CLPB: variants seen among roughly 807,000 people sequenced by gnomAD.
CLPB encodes ClpB family mitochondrial disaggregase.
In CLPB, 40 loss-of-function variants were observed where a neutral mutation model predicts 78.4. The observed-to-expected ratio is 0.51, with a 90% CI of 0.40 to 0.66. The LOEUF is 0.66. Ranked by LOEUF, CLPB falls within the 30% of genes least tolerant of loss-of-function variation. CLPB has a pLI of 0.00. For missense variants in CLPB, 780 were observed against 886.9 expected (o/e 0.88, Z 1.53); for synonymous variants, 333 against 348.0 (o/e 0.96, Z 0.48).
At chr11:72,384,727 A>C (rs1407887131) in intron 3 of CLPB, among the ~76,000 whole-genome samples, 2 of 152,262 alleles carry the variant, frequency 1.3e-5, no homozygotes, top group African/African-American at 4.8e-5. Context: ...ATGGGAACCA[A>C]AAGAGAGCAG....
At chr11:72,301,770 C>G (rs774584345) in intron 11 of CLPB, 33 bp downstream of exon 11, 2 of 1,601,868 alleles carry the variant, frequency 1.2e-6, no homozygotes, top group East Asian at 4.5e-5. Flanking sequence ...CTCCAGGTGT[C>G]CCCCCGCTCC....
chr11:72,370,684 G>C (rs1951025681), intron 4 of CLPB, among the ~76,000 whole-genome samples: 1 of 152,190 alleles, frequency 6.6e-6, no homozygotes, highest in African/African-American at 2.4e-5. Context: ...AGGCAGTTCT[G>C]CTGGCATTTG....
intron 9 of CLPB, among the ~76,000 whole-genome samples, chr11:72,306,950 C>T (rs552192575): frequency 6.6e-6 from 1 of 152,164 alleles, no homozygotes; most frequent in Non-Finnish European, 1.5e-5. Flanking sequence ...CCTCAAGAGT[C>T]AGGCAGGGCA....
chr11:72,321,002 C>T (rs1269544416), intron 6 of CLPB, among the ~76,000 whole-genome samples: 4 of 152,126 alleles, frequency 2.6e-5, no homozygotes, highest in African/African-American at 7.2e-5. Context: ...CGTGAGCCAC[C>T]GCTCCCGGCA....
At position 72,302,202 on chromosome 11, in the gene CLPB, C is replaced by A. The variant is rs116987422; in HGVS notation, c.1167+102G>T. On this transcript the variant is annotated intron_variant, in intron 10 of 15. Transcript: ENST00000538039. The stretch of plus-strand genomic sequence containing the variant: ...ACACCTGTGCTCCCAACGACAAATC[C>A]CAAGGCTGCTGGAATTATCTGAGGC... 9.1e-3 allele frequency: 11,806 copies of A among 1,295,148 alleles called. 90 individuals are homozygous for A. The highest frequency in any genetic ancestry group is 9.8e-3 in the Non-Finnish European group (8,815 of 896,924). The allele number at this position is 1,295,148 out of a possible 1,614,324, so 80.2% of individuals were successfully genotyped here.
chr11:72,304,988 C>G (rs936578287), intron 9 of CLPB, among the ~76,000 whole-genome samples: 1 of 152,160 alleles, frequency 6.6e-6, no homozygotes. Flanking sequence ...AAAGTGTCTA[C>G]GCAAAACACA....
Position 72,301,688 on chromosome 11 carries a change from G to A in CLPB, c.1329+115C>T, listed in dbSNP as rs552492461. 5.6e-5 allele frequency: 64 copies of A among 1,145,762 alleles called. No homozygotes were observed. In the East Asian group the frequency reaches 6.4e-4, roughly 11 times the overall value. 71.0% of individuals were successfully genotyped at this position (1,145,762 alleles called of 1,614,324 possible). A position where few individuals can be genotyped will look rare whatever the true frequency, so the allele number is the denominator to read the frequency against. On this transcript the variant is annotated intron_variant, in intron 11 of 15. Transcript: ENST00000538039. ...ACTGGATGAATGAATGTACACATGCGGGAGCAGGAAGCCGAGGAATGACCA... is the reference window on the plus strand; with the variant it reads ...ACTGGATGAATGAATGTACACATGCAGGAGCAGGAAGCCGAGGAATGACCA...
At chr11:72,420,172 G>A (rs1002926565) in intron 2 of CLPB, among the ~76,000 whole-genome samples, 4 of 152,178 alleles carry the variant, frequency 2.6e-5, no homozygotes, top group Middle Eastern at 3.4e-3. Context: ...ATGAGATCTT[G>A]TCTCAATTAA....
At chr11:72,373,088 C>A in intron 4 of CLPB, 2 of 1,303,546 alleles carry the variant, frequency 1.5e-6, no homozygotes, top group Non-Finnish European at 2.2e-6. Context: ...GGGAAGGGGG[C>A]ACTCAGGCTG....
intron 5 of CLPB, among the ~76,000 whole-genome samples, chr11:72,341,948 G>A (rs1950427688): frequency 6.6e-6 from 1 of 152,184 alleles, no homozygotes; most frequent in African/African-American, 2.4e-5. Flanking sequence ...TGTTATAATA[G>A]TCCAGGTGAG....
intron 4 of CLPB, 96 bp downstream of exon 4, chr11:72,380,185 C>G (rs1015686515): frequency 1.1e-6 from 1 of 904,504 alleles, no homozygotes; most frequent in African/African-American, 1.6e-5. Flanking sequence ...TGCAGGCTGT[C>G]ACTCTGAGTT....
chr11:72,431,872 G>A (rs929150854), intron 1 of CLPB, among the ~76,000 whole-genome samples: 8 of 152,176 alleles, frequency 5.3e-5, no homozygotes, highest in Non-Finnish European at 1.0e-4. Flanking sequence ...AGCAGGAACT[G>A]GTCACGGCTT....
intron 5 of CLPB, among the ~76,000 whole-genome samples, chr11:72,358,203 G>T (rs1045800594): frequency 6.6e-6 from 1 of 152,200 alleles, no homozygotes; most frequent in African/African-American, 2.4e-5. Context: ...CAAAGGGAGG[G>T]TATTCATTAT....
chr11:72,294,746 G>T, intron 12 of CLPB, 53 bp from the exon 13 acceptor site: 1 of 1,466,834 alleles, frequency 6.8e-7, no homozygotes, highest in Non-Finnish European at 9.6e-7. Flanking sequence ...GAACTTTGGG[G>T]GCTGTGCCTG....
Position 72,430,376 on chromosome 11 carries a change from G to A in CLPB, c.404-13C>T, listed in dbSNP as rs1295296726. On this transcript the variant is annotated splice_polypyrimidine_tract_variant and intron_variant, in intron 1 of 15. Transcript: ENST00000538039. ...AACAGGGCTGCATCTGAAGAGAAAG[G>A]GGGCACTGGTCAGATCCGCGGCCAG... 8 of 1,612,520 alleles carry A rather than the reference G, an allele frequency of 5.0e-6. No homozygotes were observed. The highest frequency in any genetic ancestry group is 5.9e-6 in the Non-Finnish European group (7 of 1,179,646).
chr11:72,430,264 T>C (rs956657802), intron 2 of CLPB, 48 bp downstream of exon 2: 2 of 1,568,760 alleles, frequency 1.3e-6, no homozygotes, highest in East Asian at 2.3e-5. Context: ...AGGCTCGCCC[T>C]GCTCAGCCTC....
chr11:72,297,666 T>TGTGTGA (rs1949577924), intron 11 of CLPB, among the ~76,000 whole-genome samples: 1 of 116,838 alleles, frequency 8.6e-6, no homozygotes, highest in Non-Finnish European at 1.6e-5. Context: ...TGTGTGTGTG[T>TGTGTGA]GTGTGTGTGT....
At chr11:72,329,221 C>T (rs1320823930) in intron 6 of CLPB, among the ~76,000 whole-genome samples, 1 of 152,006 alleles carries the variant, frequency 6.6e-6, no homozygotes, top group Admixed American at 6.5e-5. Context: ...GGCTCAGATT[C>T]TATACTAGGC....
At chr11:72,353,992 A>G (rs1950661116) in intron 5 of CLPB, among the ~76,000 whole-genome samples, 4 of 152,202 alleles carry the variant, frequency 2.6e-5, no homozygotes, top group Admixed American at 2.0e-4. Context: ...GAGACTATAT[A>G]TAAAGTACCT....
Sources: allele counts gnomAD v4.1 joint callset (sites outside exome capture counted in the v4.1 genomes callset), GRCh38; gene constraint gnomAD v4.1.1; transcripts MANE v1.5; gene names NCBI Gene and HGNC (gene_info 2026-07-23, HGNC 2026-07-21).